KRIT1: variants seen among roughly 807,000 people sequenced by gnomAD.
KRIT1 encodes the protein krev interaction trapped protein 1.
KRIT1 carries 45 observed loss-of-function variants against 95.8 expected under a neutral mutation model. The ratio of observed to expected loss-of-function variants is 0.47; its 90% CI spans 0.37 to 0.60. KRIT1 has a LOEUF of 0.60. Ranked by LOEUF, KRIT1 falls within the 20% of genes least tolerant of loss-of-function variation. KRIT1 has a pLI of 0.00. For synonymous variants in KRIT1, 282 were observed against 278.8 expected (o/e 1.01, Z -0.11); for missense variants, 788 against 877.5 (o/e 0.90, Z 1.29).
intron 17 of KRIT1, among the ~76,000 whole-genome samples, chr7:92,209,828 C>G (rs781030457): frequency 6.6e-6 from 1 of 151,820 alleles, no homozygotes; most frequent in Non-Finnish European, 1.5e-5. Context: ...TCTGGGAGGC[C>G]GAGGTGGGTG....
At position 92,222,065 on chromosome 7, in the gene KRIT1, C is replaced by A. The variant is rs762554981; in HGVS notation, c.1412-12G>T. 1 of 1,606,742 alleles carries A rather than the reference C, an allele frequency of 6.2e-7. No homozygotes were observed. Among genetic ancestry groups the A allele is most frequent in the South Asian group, 1.1e-5 (1 of 90,918 alleles). On this transcript the variant is annotated splice_polypyrimidine_tract_variant and intron_variant, in intron 13 of 18. Coordinates refer to ENST00000394505, the MANE Select transcript of KRIT1 (RefSeq NM_194454.3). The stretch of plus-strand genomic sequence containing the variant: ...TTTGAGTTGAAGGCCTGAAAAACAT[C>A]ATTCCTTTTATAAATGATAATGTAA...
intron 10 of KRIT1, among the ~76,000 whole-genome samples, chr7:92,229,847 CA>C (rs900871474): frequency 2.0e-5 from 3 of 152,102 alleles, no homozygotes; most frequent in African/African-American, 7.2e-5. Flanking sequence ...GCCCTACATA[CA>C]AAAGATAAGT....
At chr7:92,203,636 G>A (rs1178772774) in intron 17 of KRIT1, among the ~76,000 whole-genome samples, 6 of 152,108 alleles carry the variant, frequency 3.9e-5, no homozygotes, top group African/African-American at 7.3e-5. Context: ...ATATTTAAGT[G>A]TTAAATAATA....
In KRIT1 at chr7:92,213,306, T is replaced by C. The variant is rs146106391; in HGVS notation, c.1914A>G (p.Ala638=). The C allele has an allele frequency of 3.6e-5, 58 of 1,613,564 alleles. No homozygotes were observed. The African/African-American group carries it at 5.1e-4, about 14-fold the overall frequency. The change falls in exon 17 of 19, where the codon GCA becomes GCG. Residue 638 remains alanine, a synonymous_variant. Coordinates refer to ENST00000394505, the MANE Select transcript of KRIT1 (RefSeq NM_194454.3). The part of the protein sequence containing the change: ...NCWEIPTYGA[A]FFTGQIFTKA... ...TTGTAAATATCTGTCCTGTGAAAAATGCTGCTCCATAAGTAGGAATTTCCC... is the reference window on the plus strand; with the variant it reads ...TTGTAAATATCTGTCCTGTGAAAAACGCTGCTCCATAAGTAGGAATTTCCC...
At chr7:92,228,189 G>T (rs749220549) in intron 10 of KRIT1, among the ~76,000 whole-genome samples, 1 of 152,198 alleles carries the variant, frequency 6.6e-6, no homozygotes. Flanking sequence ...GAACTGAAGA[G>T]ATGTTGAAGA....
intron 17 of KRIT1, among the ~76,000 whole-genome samples, chr7:92,211,174 A>G (rs1439737062): frequency 6.6e-6 from 1 of 152,228 alleles, no homozygotes; most frequent in Non-Finnish European, 1.5e-5. Flanking sequence ...CAATCTCACT[A>G]CTGAGTATTC....
chr7:92,219,410 T>C, intron 14 of KRIT1, among the ~76,000 whole-genome samples: 1 of 152,204 alleles, frequency 6.6e-6, no homozygotes, highest in East Asian at 1.9e-4. Flanking sequence ...CTTTCTCCAT[T>C]AGATGAACCT....
In KRIT1 at chr7:92,235,371, T is replaced by A. The variant is rs1798214312; in HGVS notation, c.729+32A>T. On this transcript the variant is annotated intron_variant, in intron 8 of 18. Transcript: ENST00000394505. ...ATTACACTTGAGATAAAACGTCTTT[T>A]AAATCAGAGCTAAAATTCATTCAAC... 3 of 1,608,756 alleles carry A rather than the reference T, an allele frequency of 1.9e-6. No individual in the cohort carries two copies. The South Asian group carries it at 3.3e-5, about 18-fold the overall frequency.
chr7:92,235,351 A>G (rs1798203204), intron 8 of KRIT1, 52 bp downstream of exon 8: 2 of 1,577,180 alleles, frequency 1.3e-6, no homozygotes, highest in Admixed American at 1.7e-5. Context: ...AAAAAATTAC[A>G]CTTGAGATAA....
intron 1 of KRIT1, chr7:92,245,559 T>C (rs531059778): frequency 1.9e-4 from 29 of 150,944 alleles, no homozygotes; most frequent in African/African-American, 7.1e-4. Flanking sequence ...AGTGCCTCTC[T>C]GGCCGCTACA....
chr7:92,234,780 G>T, intron 9 of KRIT1, 28 bp downstream of exon 9: 2 of 1,293,072 alleles, frequency 1.5e-6, no homozygotes, highest in Non-Finnish European at 2.3e-6. Flanking sequence ...TTTTATAAAA[G>T]CAATGTGGAG....
At chr7:92,210,432 A>G (rs191890195) in intron 17 of KRIT1, among the ~76,000 whole-genome samples, 28 of 152,284 alleles carry the variant, frequency 1.8e-4, no homozygotes, top group Admixed American at 8.5e-4. Flanking sequence ...AACATTGGGG[A>G]AAAAAACACC....
At chr7:92,207,042 G>A (rs1300786126) in intron 17 of KRIT1, among the ~76,000 whole-genome samples, 1 of 151,738 alleles carries the variant, frequency 6.6e-6, no homozygotes, top group Non-Finnish European at 1.5e-5. Flanking sequence ...TGAATTCTGA[G>A]ATTTTAGAGG....
intron 14 of KRIT1, among the ~76,000 whole-genome samples, chr7:92,216,480 G>C (rs966203988): frequency 6.6e-6 from 1 of 151,896 alleles, no homozygotes; most frequent in African/African-American, 2.4e-5. Flanking sequence ...AGGTATAAAA[G>C]TATTTTGAAA....
At chr7:92,204,865 A>T (rs986128859) in intron 17 of KRIT1, among the ~76,000 whole-genome samples, 44 of 152,064 alleles carry the variant, frequency 2.9e-4, no homozygotes, top group African/African-American at 9.9e-4. Flanking sequence ...GACTTCAAGA[A>T]ATTAAGCTCC....
intron 2 of KRIT1, 89 bp downstream of exon 2, chr7:92,244,813 T>A (rs1800519399): frequency 6.6e-6 from 1 of 152,196 alleles, no homozygotes; most frequent in South Asian, 2.1e-4. Flanking sequence ...TGGAAAATGT[T>A]AGGCACAAAT....
chr7:92,219,586 A>C (rs1468744298), intron 14 of KRIT1, among the ~76,000 whole-genome samples: 1 of 152,108 alleles, frequency 6.6e-6, no homozygotes, highest in Non-Finnish European at 1.5e-5. Flanking sequence ...CAATCTCTCA[A>C]CTTCATTCTT....
intron 14 of KRIT1, among the ~76,000 whole-genome samples, chr7:92,218,643 G>A (rs1413417189): frequency 6.6e-6 from 1 of 152,098 alleles, no homozygotes; most frequent in Non-Finnish European, 1.5e-5. Context: ...GCCTCCCAAA[G>A]TGCTGAGATT....
chr7:92,216,046 G>A (rs538865343), intron 14 of KRIT1, among the ~76,000 whole-genome samples: 1 of 151,822 alleles, frequency 6.6e-6, no homozygotes, highest in East Asian at 1.9e-4. Context: ...TGGCTAACAC[G>A]GTGAAACCCC....
Sources: gnomAD v4.1 joint callset for allele counts (sites outside exome capture counted in the v4.1 genomes callset) on GRCh38, gnomAD v4.1.1 for gene constraint, MANE v1.5 for transcripts, NCBI Gene and HGNC (gene_info 2026-07-23, HGNC 2026-07-21) for gene names.